The following SOCS5 variants were observed in gnomAD, a reference collection of about 807,000 sequenced individuals.
The protein encoded by SOCS5 is suppressor of cytokine signaling 5, also known as CIS-6.
In SOCS5, 32 loss-of-function variants were observed where a neutral mutation model predicts 42.8. That is an observed-to-expected ratio of 0.75 (90% CI 0.56 to 1.01). SOCS5 has a LOEUF of 1.01. SOCS5 is among the 50% of genes least tolerant of loss of function. SOCS5 has a pLI of 0.00. For missense variants in SOCS5, 627 were observed against 653.0 expected, an observed-to-expected ratio of 0.96 and a Z score of 0.43; for synonymous variants, 283 against 229.6, an observed-to-expected ratio of 1.23 and a Z score of -2.10.
At chr2:46,709,837 A>G (rs1054216100) in intron 1 of SOCS5, among the ~76,000 whole-genome samples, 3 of 152,222 alleles carry the variant, frequency 2.0e-5, no homozygotes, top group African/African-American at 7.2e-5. Context: ...TGTTTGTAGC[A>G]CTGATTACTT....
intron 1 of SOCS5, among the ~76,000 whole-genome samples, chr2:46,734,022 G>T (rs1182562709): frequency 6.6e-6 from 1 of 152,170 alleles, no homozygotes; most frequent in Non-Finnish European, 1.5e-5. Flanking sequence ...AAGAAATAAT[G>T]GAAACGTTGT....
chr2:46,709,669 G>T (rs1672571763), intron 1 of SOCS5, among the ~76,000 whole-genome samples: 1 of 152,200 alleles, frequency 6.6e-6, no homozygotes, highest in African/African-American at 2.4e-5. Flanking sequence ...TTTGAGTTGG[G>T]ATTAATGAGA....
chr2:46,722,667 C>G (rs1439807607), intron 1 of SOCS5, among the ~76,000 whole-genome samples: 1 of 152,038 alleles, frequency 6.6e-6, no homozygotes. Context: ...TGTGTGAACA[C>G]AGTTTTCATT....
Position 46,760,467 on chromosome 2 carries a change from C to G in SOCS5, c.*326C>G, listed in dbSNP as rs1320790754. ...AAGAATTCTATTTCTTACTGAAGAACAAATTATTAATATTGGATGAGTATT... is the reference window on the plus strand; with the variant it reads ...AAGAATTCTATTTCTTACTGAAGAAGAAATTATTAATATTGGATGAGTATT... On this transcript the variant is annotated 3_prime_UTR_variant, in exon 2 of 2. Coordinates refer to ENST00000394861, the MANE Select transcript of SOCS5 (RefSeq NM_144949.3). 2 of 228,180 alleles carry G rather than the reference C, an allele frequency of 8.8e-6. No homozygotes were observed. Among genetic ancestry groups the G allele is most frequent in the African/African-American group, 4.6e-5 (2 of 43,408 alleles). 14.1% of individuals were successfully genotyped at this position (228,180 alleles called of 1,614,324 possible).
At chr2:46,749,904 G>T (rs1361758338) in intron 1 of SOCS5, among the ~76,000 whole-genome samples, 3 of 152,080 alleles carry the variant, frequency 2.0e-5, no homozygotes, top group African/African-American at 7.2e-5. Context: ...AAAGAAAGAA[G>T]TATTTTTTAA....
intron 1 of SOCS5, among the ~76,000 whole-genome samples, chr2:46,727,500 T>C (rs1673024522): frequency 6.6e-6 from 1 of 152,212 alleles, no homozygotes; most frequent in Non-Finnish European, 1.5e-5. Flanking sequence ...ATTTGTGTTT[T>C]AGCAGTCAGT....
intron 1 of SOCS5, among the ~76,000 whole-genome samples, chr2:46,740,760 C>G (rs1219463280): frequency 6.6e-6 from 1 of 151,900 alleles, no homozygotes; most frequent in Non-Finnish European, 1.5e-5. Context: ...TTGCTGCTTC[C>G]TAGGGAAGCT....
intron 1 of SOCS5, among the ~76,000 whole-genome samples, chr2:46,743,864 A>G (rs890749583): frequency 6.6e-6 from 1 of 152,162 alleles, no homozygotes; most frequent in African/African-American, 2.4e-5. Context: ...ACAATGAGTT[A>G]TATTTTTCTC....
intron 1 of SOCS5, among the ~76,000 whole-genome samples, chr2:46,733,750 A>G (rs1199368241): frequency 1.3e-5 from 2 of 152,176 alleles, no homozygotes; most frequent in East Asian, 3.9e-4. Context: ...CTCTTTAAAA[A>G]ATCAGTATTT....
chr2:46,720,276 G>C (rs1672849611), intron 1 of SOCS5, among the ~76,000 whole-genome samples: 1 of 152,142 alleles, frequency 6.6e-6, no homozygotes, highest in Non-Finnish European at 1.5e-5. Flanking sequence ...TGAACTTAAA[G>C]GTTCACTTGA....
chr2:46,717,921 T>C (rs1308736092), intron 1 of SOCS5, among the ~76,000 whole-genome samples: 5 of 152,232 alleles, frequency 3.3e-5, no homozygotes, highest in East Asian at 3.8e-4. Flanking sequence ...GATGGAGTAT[T>C]GCGTGCACAT....
In SOCS5 at chr2:46,760,003, A is replaced by G; in HGVS notation, c.1473A>G (p.Val491=). 1 of 1,614,180 alleles carries G rather than the reference A, an allele frequency of 6.2e-7. No individual in the cohort carries two copies. Among genetic ancestry groups the G allele is most frequent in the South Asian group, 1.1e-5 (1 of 91,082 alleles). ...GCCTGCAGTATATCTGTCGCGCGGT[A>G]ATCTGCAGGTGCACTACGTATGATG... The part of the protein sequence containing the change: ...PFSLQYICRA[V]ICRCTTYDGI... The change falls in exon 2 of 2, where the codon GTA becomes GTG. Residue 491 remains valine, a synonymous_variant. Transcript: ENST00000394861.
At chr2:46,703,792 A>T (rs1436542740) in intron 1 of SOCS5, among the ~76,000 whole-genome samples, 1 of 152,228 alleles carries the variant, frequency 6.6e-6, no homozygotes, top group African/African-American at 2.4e-5. Flanking sequence ...AATTATTTGC[A>T]TTGTCCATCT....
intron 1 of SOCS5, among the ~76,000 whole-genome samples, chr2:46,755,582 G>C (rs1673714937): frequency 6.6e-6 from 1 of 152,118 alleles, no homozygotes; most frequent in African/African-American, 2.4e-5. Flanking sequence ...ATTTGCTTTG[G>C]ATAGTTTTAA....
chr2:46,705,890 T>G (rs1672453507), intron 1 of SOCS5, among the ~76,000 whole-genome samples: 1 of 152,258 alleles, frequency 6.6e-6, no homozygotes, highest in African/African-American at 2.4e-5. Context: ...GAATATCCTC[T>G]GATGAGTTTT....
intron 1 of SOCS5, among the ~76,000 whole-genome samples, chr2:46,722,567 T>G (rs1474951299): frequency 6.6e-6 from 1 of 152,172 alleles, no homozygotes; most frequent in Non-Finnish European, 1.5e-5. Context: ...ACAGTTTGTT[T>G]ATCCATTCAC....
chr2:46,758,529 C>T lies in SOCS5; in HGVS notation c.-2C>T. 1.3e-6 allele frequency: 2 copies of T among 1,574,138 alleles called. No individual in the cohort carries two copies. Among genetic ancestry groups the T allele is most frequent in the Non-Finnish European group, 1.7e-6 (2 of 1,163,532 alleles). On this transcript the variant is annotated 5_prime_UTR_variant, in exon 2 of 2. Transcript: ENST00000394861. ...CTGTTTTGTCTTTAGATTTTATAAT[C>T]AATGGATAAAGTGGGAAAAATGTGG...
At chr2:46,708,628 C>G (rs1245694171) in intron 1 of SOCS5, among the ~76,000 whole-genome samples, 1 of 152,080 alleles carries the variant, frequency 6.6e-6, no homozygotes, top group Non-Finnish European at 1.5e-5. Flanking sequence ...CATTGCCACC[C>G]CAAACTCTGT....
chr2:46,704,438 G>T (rs966839024), intron 1 of SOCS5, among the ~76,000 whole-genome samples: 8 of 152,344 alleles, frequency 5.3e-5, no homozygotes, highest in African/African-American at 1.7e-4. Flanking sequence ...TGCGTATATG[G>T]TAGGTAGTTG....
Sources: allele counts gnomAD v4.1 joint callset (sites outside exome capture counted in the v4.1 genomes callset), GRCh38; gene constraint gnomAD v4.1.1; transcripts MANE v1.5; gene names NCBI Gene and HGNC (gene_info 2026-07-23, HGNC 2026-07-21).